ZNF385D: variants seen among roughly 807,000 people sequenced by gnomAD.
ZNF385D encodes zinc finger protein 659.
In ZNF385D, 15 loss-of-function variants were observed where a neutral mutation model predicts 35.8. That is an observed-to-expected ratio of 0.42 (90% CI 0.28 to 0.64). ZNF385D has a LOEUF of 0.64. Among genes scored for constraint, ZNF385D ranks in the 30% least tolerant of loss-of-function variants. The pLI, the probability that ZNF385D is intolerant of heterozygous loss-of-function variation, is 0.23. For synonymous variants in ZNF385D, 212 were observed against 186.8 expected, an observed-to-expected ratio of 1.13 and a Z score of -1.10; for missense variants, 474 against 494.6, an observed-to-expected ratio of 0.96 and a Z score of 0.39.
chr3:21,709,321 T>C (rs189714630), intron 1 of ZNF385D, among the ~76,000 whole-genome samples: 128 of 152,256 alleles, frequency 8.4e-4, no homozygotes, highest in African/African-American at 3.0e-3. Context: ...AAACATTCAA[T>C]GACTTTCTAA....
At chr3:21,901,200 C>A (rs186528157) in intron 3 of ZNF385D, among the ~76,000 whole-genome samples, 1 of 152,124 alleles carries the variant, frequency 6.6e-6, no homozygotes, top group African/African-American at 2.4e-5. Context: ...GGTCATAGAA[C>A]GGTTAAATCC....
At chr3:22,178,213 T>A (rs1190730900) in intron 2 of ZNF385D, among the ~76,000 whole-genome samples, 1 of 152,174 alleles carries the variant, frequency 6.6e-6, no homozygotes, top group Non-Finnish European at 1.5e-5. Context: ...AGTGTAAAAG[T>A]GTTCCTATTT....
chr3:22,037,472 G>C (rs1000265802), intron 3 of ZNF385D, among the ~76,000 whole-genome samples: 2 of 152,056 alleles, frequency 1.3e-5, no homozygotes, highest in African/African-American at 4.8e-5. Flanking sequence ...GTGATGATGA[G>C]CATTTTTTCA....
chr3:21,908,280 A>G (rs1248528362), intron 3 of ZNF385D, among the ~76,000 whole-genome samples: 1 of 152,046 alleles, frequency 6.6e-6, no homozygotes, highest in Admixed American at 6.6e-5. Context: ...TAAGGAAAAG[A>G]AAAATATAAT....
rs577279541 is a variant in ZNF385D at position 21,925,973 on chromosome 3, TAAC to T, written c.325+242841_325+242843del. 3.1e-3 allele frequency among the ~76,000 whole-genome samples: 469 copies of T among 152,298 alleles called. 2 individuals are homozygous for T. Among genetic ancestry groups the T allele is most frequent in the African/African-American group, 0.011 (453 of 41,568 alleles). On this transcript the variant is annotated intron_variant, in intron 3 of 5. Coordinates refer to the ZNF385D transcript ENST00000494108. The stretch of plus-strand genomic sequence containing the variant: ...GAATGGCTAAGTAAAAAAATAGTGA[TAAC>T]AACAAATATTAGTAAAGATGCAGAA...
intron 2 of ZNF385D, among the ~76,000 whole-genome samples, chr3:22,306,159 G>A (rs1415187352): frequency 1.3e-5 from 2 of 152,000 alleles, no homozygotes; most frequent in Non-Finnish European, 2.9e-5. Context: ...AGTGATGGGG[G>A]TGGTGATGAG....
At chr3:22,094,329 T>G (rs970905260) in intron 3 of ZNF385D, among the ~76,000 whole-genome samples, 3 of 135,176 alleles carry the variant, frequency 2.2e-5, no homozygotes, top group African/African-American at 7.6e-5. Context: ...TTGTACCCTT[T>G]TTTTTCTTTC....
At chr3:22,226,102 T>C (rs1698541589) in intron 2 of ZNF385D, among the ~76,000 whole-genome samples, 1 of 151,710 alleles carries the variant, frequency 6.6e-6, no homozygotes, top group East Asian at 1.9e-4. Flanking sequence ...GAATCTTCTC[T>C]CTCCCAAAGT....
chr3:21,759,340 A>G (rs986235246), intron 3 of ZNF385D, among the ~76,000 whole-genome samples: 4 of 149,090 alleles, frequency 2.7e-5, no homozygotes, highest in African/African-American at 1.0e-4. Context: ...TGTCTGGGAG[A>G]CCAAGGACAA....
intron 2 of ZNF385D, among the ~76,000 whole-genome samples, chr3:22,178,690 G>A (rs1237283684): frequency 1.3e-5 from 2 of 152,124 alleles, no homozygotes; most frequent in Non-Finnish European, 2.9e-5. Flanking sequence ...TATTGCCTAG[G>A]TTTTCTTCTA....
intron 3 of ZNF385D, among the ~76,000 whole-genome samples, chr3:21,963,372 T>C (rs1174646088): frequency 3.9e-5 from 6 of 152,294 alleles, no homozygotes; most frequent in Non-Finnish European, 5.9e-5. Flanking sequence ...TGATCAACTC[T>C]ACGTAGAACC....
At chr3:21,458,589 C>T (rs1332925291) in intron 4 of ZNF385D, among the ~76,000 whole-genome samples, 2 of 151,812 alleles carry the variant, frequency 1.3e-5, no homozygotes, top group African/African-American at 4.8e-5. Flanking sequence ...TGTGGTATAT[C>T]CTTATAATGG....
At chr3:21,640,967 T>A (rs565239371) in intron 2 of ZNF385D, among the ~76,000 whole-genome samples, 45 of 151,802 alleles carry the variant, frequency 3.0e-4, no homozygotes, top group Non-Finnish European at 6.3e-4. Context: ...TATGAAGGAG[T>A]GGGATGGTAT....
At chr3:21,520,186 A>G (rs1346718611) in intron 3 of ZNF385D, among the ~76,000 whole-genome samples, 1 of 152,156 alleles carries the variant, frequency 6.6e-6, no homozygotes, top group Admixed American at 6.6e-5. Context: ...TGCCTGGTAG[A>G]TGTTGGGATG....
intron 3 of ZNF385D, among the ~76,000 whole-genome samples, chr3:22,030,291 A>ATGTATG (rs1697900653): frequency 7.9e-5 from 9 of 113,628 alleles, no homozygotes; most frequent in African/African-American, 3.1e-4. Context: ...ATATATATAT[A>ATGTATG]TATATATATA....
chr3:22,262,428 A>G (rs1208892074), intron 2 of ZNF385D, among the ~76,000 whole-genome samples: 1 of 151,962 alleles, frequency 6.6e-6, no homozygotes, highest in Non-Finnish European at 1.5e-5. Context: ...TCATTGAGAT[A>G]TTTTTTGCAT....
intron 3 of ZNF385D, among the ~76,000 whole-genome samples, chr3:21,883,545 TCATGAAGTGAATAAACA>T (rs1238320978): frequency 6.6e-6 from 1 of 151,998 alleles, no homozygotes; most frequent in African/African-American, 2.4e-5. Flanking sequence ...TCATGCTATT[TCATGAAGTGAATAAACA>T]CATACAATTT....
chr3:21,455,427 T>C (rs1702738901), intron 4 of ZNF385D, among the ~76,000 whole-genome samples: 2 of 151,982 alleles, frequency 1.3e-5, no homozygotes, highest in South Asian at 4.2e-4. Context: ...TCAGAAATAA[T>C]ACCACACATC....
rs1182479483 is a variant in ZNF385D at position 22,259,693 on chromosome 3, G to GA, written c.107-90659dup. 3.3e-5 allele frequency among the ~76,000 whole-genome samples: 5 copies of GA among 151,870 alleles called. No individual in the cohort carries two copies. The South Asian group carries it at 8.3e-4, about 25-fold the overall frequency. The stretch of plus-strand genomic sequence containing the variant: ...ACATCCCAAGTAAAGTCAGCTTTAG[G>GA]AAAAAAACTATGAGCACGTAGTAGT... On this transcript the variant is annotated intron_variant, in intron 2 of 5. Transcript: ENST00000494108.
Sources: allele counts gnomAD v4.1 joint callset (sites outside exome capture counted in the v4.1 genomes callset), GRCh38; gene constraint gnomAD v4.1.1; transcripts MANE v1.5; gene names NCBI Gene and HGNC (gene_info 2026-07-23, HGNC 2026-07-21).